The following SPANXN4 variants were observed in gnomAD, a reference collection of about 807,000 sequenced individuals.
SPANXN4 encodes sperm protein associated with the nucleus on the X chromosome N4.
Under a neutral mutation model 6.0 loss-of-function variants are expected in SPANXN4, and 5 were observed. That is an observed-to-expected ratio of 0.83 (90% CI 0.44 to 1.75). SPANXN4 has a LOEUF of 1.75. SPANXN4 is among the 40% of genes most tolerant of loss of function. The pLI is 0.02. For missense variants in SPANXN4, 157 were observed against 108.6 expected, an observed-to-expected ratio of 1.45 and a Z score of -1.98; for synonymous variants, 45 against 38.0, an observed-to-expected ratio of 1.19 and a Z score of -0.68.
intron 1 of SPANXN4, among the ~76,000 whole-genome samples, chrX:143,032,737 G>A (rs1932818129): frequency 9.0e-6 from 1 of 111,609 alleles, no homozygotes; most frequent in South Asian, 3.8e-4. Context: ...TACCCCTGAA[G>A]GGAATGAGTA....
exon 1 of SPANXN4, chrX:143,025,934 C>T: frequency 2.0e-6 from 2 of 985,503 alleles, no homozygotes; most frequent in Non-Finnish European, 2.8e-6. Context: ...CTGGGACAGC[C>T]CACTGGAAAG....
At chrX:143,028,098 G>A (rs954674597) in intron 1 of SPANXN4, among the ~76,000 whole-genome samples, 3 of 111,627 alleles carry the variant, frequency 2.7e-5, no homozygotes, top group African/African-American at 9.8e-5. Context: ...GTGAGGGAGA[G>A]AGAGTAATTT....
exon 2 of SPANXN4, chrX:143,034,092 A>G (rs1239139587): frequency 2.5e-6 from 3 of 1,179,545 alleles, no homozygotes; most frequent in Non-Finnish European, 3.4e-6. Flanking sequence ...AAAGCAAAAT[A>G]TCCAACATTA....
At chrX:143,032,464 T>C (rs1204762748) in intron 1 of SPANXN4, among the ~76,000 whole-genome samples, 1 of 108,532 alleles carries the variant, frequency 9.2e-6, no homozygotes, top group African/African-American at 3.4e-5. Context: ...GAAATGATGT[T>C]GGGAGGGGGA....
downstream of SPANXN4, among the ~76,000 whole-genome samples, chrX:143,035,230 T>C (rs962134685): frequency 1.8e-5 from 2 of 110,889 alleles, no homozygotes; most frequent in Non-Finnish European, 3.8e-5. Context: ...ACTCATTCAC[T>C]CTCCTTTATT....
chrX:143,028,054 T>C (rs1236553760), intron 1 of SPANXN4, among the ~76,000 whole-genome samples: 1 of 111,548 alleles, frequency 9.0e-6, no homozygotes, highest in African/African-American at 3.3e-5. Flanking sequence ...TGGCAACTTC[T>C]GGAATTCTTG....
rs1932831548 is a variant in SPANXN4, at chrX:143,034,313, GA to G, written c.283+82del. 1.9e-6 allele frequency: 2 copies of G among 1,063,418 alleles called. No homozygotes were observed. The highest frequency in any genetic ancestry group is 2.5e-6 in the Non-Finnish European group (2 of 795,538). The allele number at this position is 1,063,418 out of a possible 1,213,427, so 87.6% of individuals were successfully genotyped here. A position where few individuals can be genotyped will look rare whatever the true frequency, so the allele number is the denominator to read the frequency against. Reference sequence around the variant, plus strand: ...AATAAAATCAGTTTGAGGAGCTGATGACTGTGTATACCTCTGCCTTTTTTTC... The same window carrying G: ...AATAAAATCAGTTTGAGGAGCTGATGCTGTGTATACCTCTGCCTTTTTTTC... On this transcript the variant is annotated intron_variant, in intron 2 of 2. Coordinates refer to ENST00000370504, the Ensembl canonical transcript of SPANXN4.
exon 3 of SPANXN4, chrX:143,034,590 G>C: frequency 8.6e-7 from 1 of 1,165,152 alleles, no homozygotes; most frequent in Non-Finnish European, 1.1e-6. Context: ...TTGTATGTAG[G>C]TGACAGTGAC....
At chrX:143,029,936 C>T (rs1263273970) in intron 1 of SPANXN4, among the ~76,000 whole-genome samples, 1 of 111,447 alleles carries the variant, frequency 9.0e-6, no homozygotes, top group Non-Finnish European at 1.9e-5. Context: ...TGGGGCGTCG[C>T]CGTATATTTG....
At chrX:143,028,391 G>A (rs1391664676) in intron 1 of SPANXN4, among the ~76,000 whole-genome samples, 1 of 111,055 alleles carries the variant, frequency 9.0e-6, no homozygotes, top group Non-Finnish European at 1.9e-5. Flanking sequence ...AAATGCATGA[G>A]GACCAGTAAG....
intron 1 of SPANXN4, among the ~76,000 whole-genome samples, chrX:143,027,100 G>T (rs1932783102): frequency 1.8e-5 from 2 of 112,203 alleles, no homozygotes; most frequent in Non-Finnish European, 3.8e-5. Context: ...GAAGACACTG[G>T]GGGTGGACAG....
chrX:143,034,273 G>C, intron 2 of SPANXN4: 1 of 1,117,093 alleles, frequency 9.0e-7, no homozygotes, highest in Non-Finnish European at 1.2e-6. Context: ...CATCACCACT[G>C]ATGGCGATGA....
intron 1 of SPANXN4, among the ~76,000 whole-genome samples, chrX:143,033,673 A>G (rs1932824710): frequency 8.9e-6 from 1 of 111,789 alleles, no homozygotes; most frequent in African/African-American, 3.3e-5. Context: ...ACCTTTGCCC[A>G]GAAAGATATG....
chrX:143,028,380 TA>T lies in SPANXN4; in HGVS notation c.78+2291del, dbSNP rs1162905238. Among the ~76,000 whole-genome samples, 14 of 111,068 alleles carry T rather than the reference TA, an allele frequency of 1.3e-4. No individual in the cohort carries two copies. The Admixed American group carries it at 1.3e-3, about 11-fold the overall frequency. ...TGAGGGGATTTGAGGAAATGGCTCA[TA>T]AATGCATGAGGACCAGTAAGAGAAG... On this transcript the variant is annotated intron_variant, in intron 1 of 2. Coordinates refer to ENST00000370504, the Ensembl canonical transcript of SPANXN4.
downstream of SPANXN4, chrX:143,034,777 G>A (rs1345394287): frequency 9.6e-7 from 1 of 1,038,641 alleles, no homozygotes. Context: ...GGTGTTTGGA[G>A]GACATGCTTC....
chrX:143,034,412 G>T, intron 2 of SPANXN4, 101 bp downstream of exon 2: 1 of 1,078,576 alleles, frequency 9.3e-7, no homozygotes, highest in Non-Finnish European at 1.2e-6. Flanking sequence ...TGTAGCATTG[G>T]CGGACAGATC....
In SPANXN4 at chrX:143,027,652, G is replaced by A. The variant is rs947798011; in HGVS notation, c.78+1560G>A. Among the ~76,000 whole-genome samples the A allele has an allele frequency of 2.7e-5, 3 of 111,341 alleles. No individual in the cohort carries two copies. The Admixed American group carries it at 2.9e-4, about 11-fold the overall frequency. Reference sequence around the variant, plus strand: ...GTGAGATGCAGGTTTATTTTGGACTGGGTTTACGTGGCCAGTTTGAAAGGA... The same window carrying A: ...GTGAGATGCAGGTTTATTTTGGACTAGGTTTACGTGGCCAGTTTGAAAGGA... On this transcript the variant is annotated intron_variant, in intron 1 of 2. Transcript: ENST00000370504.
intron 1 of SPANXN4, 142 bp downstream of exon 1, chrX:143,026,234 A>G: frequency 2.0e-6 from 1 of 497,216 alleles, no homozygotes; most frequent in Non-Finnish European, 3.3e-6. Context: ...ACCGCTACAT[A>G]CAGGCCAGCG....
chrX:143,028,787 G>T (rs1027919822), intron 1 of SPANXN4, among the ~76,000 whole-genome samples: 1 of 111,106 alleles, frequency 9.0e-6, no homozygotes, highest in African/African-American at 3.3e-5. Context: ...CCTGGTGTGT[G>T]GGAAAGGAGA....
Sources: allele counts gnomAD v4.1 joint callset (sites outside exome capture counted in the v4.1 genomes callset), GRCh38; gene constraint gnomAD v4.1.1; transcripts MANE v1.5; gene names NCBI Gene and HGNC (gene_info 2026-07-23, HGNC 2026-07-21).